The following SLC4A4 variants were observed in gnomAD, a reference collection of about 807,000 sequenced individuals.
SLC4A4 encodes the protein electrogenic sodium bicarbonate cotransporter 1.
A neutral mutation model predicts 111.5 loss-of-function variants in SLC4A4; 27 were observed. The observed-to-expected ratio is 0.24, with a 90% CI of 0.18 to 0.33. The LOEUF (loss-of-function observed/expected upper bound fraction) is 0.33, where lower values mean the gene tolerates loss of function less well. SLC4A4 is among the 10% of genes least tolerant of loss of function. The probability of loss-of-function intolerance (pLI) is 1.00; values close to 1 mark genes in which losing one functional copy is unlikely to be tolerated. For synonymous variants in SLC4A4, 443 were observed against 463.4 expected (o/e 0.96, Z 0.57); for missense variants, 909 against 1,315.5 (o/e 0.69, Z 4.78).
intron 7 of SLC4A4, among the ~76,000 whole-genome samples, chr4:71,412,923 C>T (rs1314945377): frequency 3.3e-5 from 5 of 152,038 alleles, no homozygotes; most frequent in African/African-American, 1.2e-4. Context: ...AATAAGAAGC[C>T]GACTTTGGGC....
chr4:71,203,963 C>T (rs1310967392), intron 1 of SLC4A4, among the ~76,000 whole-genome samples: 1 of 152,042 alleles, frequency 6.6e-6, no homozygotes, highest in African/African-American at 2.4e-5. Context: ...AGGAAAGATA[C>T]CTAATAAGCG....
intron 16 of SLC4A4, among the ~76,000 whole-genome samples, chr4:71,506,390 A>G (rs1414265401): frequency 1.3e-5 from 2 of 151,908 alleles, no homozygotes. Flanking sequence ...TGTAGTTCTC[A>G]TTGAAGAGGT....
chr4:71,109,454 T>C (rs1743030815), intron 2 of SLC4A4, among the ~76,000 whole-genome samples: 1 of 152,176 alleles, frequency 6.6e-6, no homozygotes, highest in South Asian at 2.1e-4. Context: ...GCCTCCCTGT[T>C]GCATCTCTGT....
At chr4:71,544,566 C>T (rs373619199) in intron 18 of SLC4A4, among the ~76,000 whole-genome samples, 33 of 152,108 alleles carry the variant, frequency 2.2e-4, no homozygotes, top group African/African-American at 6.3e-4. Context: ...AGAACCCAAC[C>T]GCTTCTTACC....
upstream of SLC4A4, chr4:71,186,678 C>G (rs952184371): frequency 6.6e-6 from 1 of 151,640 alleles, no homozygotes; most frequent in South Asian, 2.1e-4. Flanking sequence ...CGGTGGGGGC[C>G]GGGCTGGCGG....
intron 2 of SLC4A4, among the ~76,000 whole-genome samples, chr4:71,107,462 T>G (rs527785571): frequency 5.5e-4 from 84 of 152,228 alleles, no homozygotes; most frequent in African/African-American, 2.0e-3. Flanking sequence ...TTCTCCTGCC[T>G]CAGCCTCCCA....
intron 8 of SLC4A4, among the ~76,000 whole-genome samples, chr4:71,441,189 C>T (rs1024963538): frequency 6.6e-6 from 1 of 152,100 alleles, no homozygotes; most frequent in Non-Finnish European, 1.5e-5. Context: ...TAGGTTTATA[C>T]ACACATATAT....
chr4:71,450,177 C>T (rs1233628157), intron 9 of SLC4A4, among the ~76,000 whole-genome samples: 2 of 152,098 alleles, frequency 1.3e-5, no homozygotes, highest in Admixed American at 1.3e-4. Context: ...AAAAACATAG[C>T]TGTTTCTTCA....
intron 24 of SLC4A4, among the ~76,000 whole-genome samples, chr4:71,565,754 A>G (rs1737413777): frequency 6.6e-6 from 1 of 151,788 alleles, no homozygotes; most frequent in Non-Finnish European, 1.5e-5. Context: ...TCTTGACAGC[A>G]TAGGTATCCA....
chr4:71,318,787 A>T (rs1485819564), intron 3 of SLC4A4, among the ~76,000 whole-genome samples: 1 of 151,936 alleles, frequency 6.6e-6, no homozygotes, highest in Non-Finnish European at 1.5e-5. Context: ...TGGAGTCTGT[A>T]AAAATATTTA....
chr4:71,555,116 T>A (rs750032636), intron 20 of SLC4A4, 24 bp from the exon 21 acceptor site: 1 of 1,516,812 alleles, frequency 6.6e-7, no homozygotes, highest in Non-Finnish European at 9.2e-7. Context: ...CATTTTTAAG[T>A]TGTATCCATT....
chr4:71,392,699 A>G (rs982060638), intron 6 of SLC4A4, among the ~76,000 whole-genome samples: 19 of 152,130 alleles, frequency 1.2e-4, no homozygotes, highest in Middle Eastern at 3.2e-3. Flanking sequence ...AAACCAGGAA[A>G]GGACATAATC....
At position 71,285,159 on chromosome 4, in the gene SLC4A4, A is replaced by G. The variant is rs576775569; in HGVS notation, c.253+29760A>G. Among the ~76,000 whole-genome samples the G allele has an allele frequency of 2.6e-5, 4 of 152,348 alleles. No individual in the cohort carries two copies. The South Asian group carries it at 8.3e-4, about 32-fold the overall frequency. On this transcript the variant is annotated intron_variant, in intron 3 of 25. Transcript: ENST00000264485. ...TGACCAAAGCCTTAAGCACTGCATC[A>G]AGGAATCAACATAGAGCACTGGTAA...
chr4:71,100,621 A>G (rs1742699948), intron 2 of SLC4A4, among the ~76,000 whole-genome samples: 1 of 152,190 alleles, frequency 6.6e-6, no homozygotes, highest in Admixed American at 6.5e-5. Context: ...AGAAAGAAAG[A>G]AAAGATATCC....
intron 7 of SLC4A4, among the ~76,000 whole-genome samples, chr4:71,417,337 G>C (rs1048454339): frequency 1.3e-5 from 2 of 152,150 alleles, no homozygotes; most frequent in African/African-American, 4.8e-5. Context: ...GTCAGGGAAG[G>C]TGGGGGGTAG....
intron 2 of SLC4A4, among the ~76,000 whole-genome samples, chr4:71,177,019 A>G (rs1249228849): frequency 6.6e-6 from 1 of 152,234 alleles, no homozygotes; most frequent in Non-Finnish European, 1.5e-5. Context: ...GTGGGGGCCA[A>G]TATTCAACAT....
chr4:71,332,413 T>G (rs973718118), intron 3 of SLC4A4, among the ~76,000 whole-genome samples: 2 of 151,946 alleles, frequency 1.3e-5, no homozygotes, highest in Non-Finnish European at 2.9e-5. Flanking sequence ...GTTTCATTCT[T>G]TTTTCTTTTG....
In SLC4A4 at chr4:71,338,226, A is replaced by G. The variant is rs74369082; in HGVS notation, c.254-1144A>G. The stretch of plus-strand genomic sequence containing the variant: ...GAATATTTTTCATGGGTTTATTTGT[A>G]CTAAATAAATTTTGATCTATGGAAT... On this transcript the variant is annotated intron_variant, in intron 3 of 25. Coordinates refer to ENST00000264485, the MANE Select transcript of SLC4A4 (RefSeq NM_001098484.3). Among the ~76,000 whole-genome samples the G allele has an allele frequency of 2.0e-3, 312 of 152,260 alleles. 1 individual carries two copies. The highest frequency in any genetic ancestry group is 7.2e-3 in the African/African-American group (301 of 41,550).
At chr4:71,168,811 G>A (rs914803437) in intron 2 of SLC4A4, among the ~76,000 whole-genome samples, 1 of 152,068 alleles carries the variant, frequency 6.6e-6, no homozygotes, top group African/African-American at 2.4e-5. Context: ...AGGCTGAATA[G>A]TACTCCACTG....
Sources: allele counts gnomAD v4.1 joint callset (sites outside exome capture counted in the v4.1 genomes callset), GRCh38; gene constraint gnomAD v4.1.1; transcripts MANE v1.5; gene names NCBI Gene and HGNC (gene_info 2026-07-23, HGNC 2026-07-21).